Variants in EPS8 observed in about 807,000 individuals in gnomAD.
EPS8 encodes epidermal growth factor receptor kinase substrate 8.
EPS8 carries 42 observed loss-of-function variants against 103.8 expected under a neutral mutation model. The observed-to-expected ratio is 0.40, with a 90% CI of 0.32 to 0.52. The LOEUF is 0.52. Among genes scored for constraint, EPS8 ranks in the 20% least tolerant of loss-of-function variants. EPS8 has a pLI of 0.40. For synonymous variants in EPS8, 344 were observed against 344.6 expected (o/e 1.00, Z 0.02); for missense variants, 969 against 1,005.1 (o/e 0.96, Z 0.49).
chr12:15,703,847 G>GTTTTTTTTTTTTTTT (rs58735135), intron 1 of EPS8, among the ~76,000 whole-genome samples: 1 of 61,234 alleles, frequency 1.6e-5, no homozygotes, highest in African/African-American at 7.3e-5. Context: ...CTATGTATTT[G>GTTTTTTTTTTTTTTT]TTTTTTTTTT....
intron 3 of EPS8, among the ~76,000 whole-genome samples, chr12:15,673,613 C>G (rs547527851): frequency 1.3e-5 from 2 of 152,272 alleles, no homozygotes; most frequent in South Asian, 4.1e-4. Context: ...TCATCCTTGG[C>G]TGCATGTTGG....
At chr12:15,630,448 C>T (rs530832383) in intron 18 of EPS8, among the ~76,000 whole-genome samples, 1 of 152,294 alleles carries the variant, frequency 6.6e-6, no homozygotes, top group East Asian at 1.9e-4. Flanking sequence ...AATATCTACA[C>T]TGCTATTCAC....
At position 15,690,805 on chromosome 12, in the gene EPS8, T is replaced by C. The variant is rs1456883977; in HGVS notation, c.-21-7833A>G. Among the ~76,000 whole-genome samples the C allele has an allele frequency of 6.6e-6, 1 of 152,230 alleles. No individual in the cohort carries two copies. Among genetic ancestry groups the C allele is most frequent in the East Asian group, 1.9e-4 (1 of 5,196 alleles). On this transcript the variant is annotated intron_variant, in intron 1 of 20. Transcript: ENST00000281172. The surrounding 1 kb of genome is among the most constrained non-coding windows in gnomAD (Gnocchi z 4.7). ...ACTGTTCCTTCTTCCTATTATCCTA[T>C]GCCTCTTAACATTTTGCCCACAAAG...
Position 15,767,449 on chromosome 12 carries a change from A to G in EPS8, c.-22+21712T>C, listed in dbSNP as rs1591930098. Reference sequence around the variant, plus strand: ...AGGTTGCACACAGAAAAAAGCCGTTAAATGACACAGTGGCATAAAATGAAA... The same window carrying G: ...AGGTTGCACACAGAAAAAAGCCGTTGAATGACACAGTGGCATAAAATGAAA... On this transcript the variant is annotated intron_variant, in intron 1 of 20. Transcript: ENST00000281172. This position sits in a 1 kb window ranked among gnomAD's most constrained non-coding sequence, Gnocchi z 5.5. Among the ~76,000 whole-genome samples the G allele has an allele frequency of 6.6e-6, 1 of 152,240 alleles. No individual in the cohort carries two copies. Among genetic ancestry groups the G allele is most frequent in the Non-Finnish European group, 1.5e-5 (1 of 68,024 alleles).
rs1028260774 is a variant in EPS8, at chr12:15,745,750, G to C, written c.-22+43411C>G. ...ATTTTCATAGACTATCTAGATAATA[G>C]CTCAAGTTCTCTGCCTTTTAGTAGA... On this transcript the variant is annotated intron_variant, in intron 1 of 20. Transcript: ENST00000281172. The surrounding 1 kb of genome is among the most constrained non-coding windows in gnomAD (Gnocchi z 4.6). 2.6e-5 allele frequency among the ~76,000 whole-genome samples: 4 copies of C among 152,128 alleles called. No individual in the cohort carries two copies. Among genetic ancestry groups the C allele is most frequent in the African/African-American group, 9.7e-5 (4 of 41,432 alleles).
rs535821212 is a variant in EPS8 at position 15,727,714 on chromosome 12, C to T, written c.-21-44742G>A. ...CTCTACTAAAAATACAAAAATTAGCCGGGCGTGGTGGCGCGTGCCTGTAAT... is the reference window on the plus strand; with the variant it reads ...CTCTACTAAAAATACAAAAATTAGCTGGGCGTGGTGGCGCGTGCCTGTAAT... On this transcript the variant is annotated intron_variant, in intron 1 of 20. Transcript: ENST00000281172. The surrounding 1 kb of genome is among the most constrained non-coding windows in gnomAD (Gnocchi z 4.3). Among the ~76,000 whole-genome samples, 4 of 152,116 alleles carry T rather than the reference C, an allele frequency of 2.6e-5. No individual in the cohort carries two copies. The highest frequency in any genetic ancestry group is 5.9e-5 in the Non-Finnish European group (4 of 67,994).
Position 15,773,549 on chromosome 12 carries a change from G to GA in EPS8, c.-22+15611dup, listed in dbSNP as rs113950263. On this transcript the variant is annotated intron_variant, in intron 1 of 20. Transcript: ENST00000281172. ...CAAGAGACTATGGAGAGAGATTTAA[G>GA]AAAAAAAAAAAGCATTGGGGATAAG... 6.9e-3 allele frequency among the ~76,000 whole-genome samples: 958 copies of GA among 139,440 alleles called. 16 individuals carry two copies. Among genetic ancestry groups the GA allele is most frequent in the East Asian group, 0.064 (311 of 4,868 alleles). 91.5% of individuals were successfully genotyped at this position (139,440 alleles called of 152,430 possible).
At chr12:15,634,031 C>T (rs180787193) in intron 17 of EPS8, among the ~76,000 whole-genome samples, 1 of 152,328 alleles carries the variant, frequency 6.6e-6, no homozygotes, top group Admixed American at 6.5e-5. Flanking sequence ...CAACGTATCT[C>T]AGTTTACGTA....
At chr12:15,670,267 A>G (rs1436842404) in intron 4 of EPS8, among the ~76,000 whole-genome samples, 1 of 152,162 alleles carries the variant, frequency 6.6e-6, no homozygotes, top group African/African-American at 2.4e-5. Flanking sequence ...ATTCTAGTCT[A>G]TAGGAACTGT....
rs1946720037 is a variant in EPS8, at chr12:15,731,854, T to C, written c.-21-48882A>G. Among the ~76,000 whole-genome samples, 1 of 152,256 alleles carries C rather than the reference T, an allele frequency of 6.6e-6. No individual in the cohort carries two copies. Among genetic ancestry groups the C allele is most frequent in the African/African-American group, 2.4e-5 (1 of 41,548 alleles). ...TGAAAAACAGAAGATAAAGTGTGTG[T>C]GTGCATGTGTGTGTGTAGGCAAAAG... On this transcript the variant is annotated intron_variant, in intron 1 of 20. Coordinates refer to ENST00000281172, the MANE Select transcript of EPS8 (RefSeq NM_004447.6). The surrounding 1 kb of genome is among the most constrained non-coding windows in gnomAD (Gnocchi z 5.1).
chr12:15,681,234 G>T lies in EPS8; in HGVS notation c.128C>A (p.Ala43Asp). Residue 43 changes from alanine to aspartate, a missense_variant, in exon 3 of 21, where the codon GCC becomes GAC. Coordinates refer to ENST00000281172, the MANE Select transcript of EPS8 (RefSeq NM_004447.6). Reference protein sequence around the residue: ...REHGSKTSAKALYEQRKNYAR... With the variant: ...REHGSKTSAKDLYEQRKNYAR... ...CAAATAAACAAACCTACCATAAAGG[G>T]CCTTTGCACTTGTTTTTGAACCATG... 6.4e-7 allele frequency: 1 copy of T among 1,557,896 alleles called. No individual in the cohort carries two copies. Among genetic ancestry groups the T allele is most frequent in the Non-Finnish European group, 8.7e-7 (1 of 1,143,854 alleles).
rs551416840 is a variant in EPS8, at chr12:15,728,032, A to C, written c.-21-45060T>G. On this transcript the variant is annotated intron_variant, in intron 1 of 20. Coordinates refer to ENST00000281172, the MANE Select transcript of EPS8 (RefSeq NM_004447.6). The surrounding 1 kb of genome is among the most constrained non-coding windows in gnomAD (Gnocchi z 4.5). ...GATTTAAAGCCCTGTGAAATGAGTAAGCCCCTGCTACTTAGCACTGAAAGG... is the reference window on the plus strand; with the variant it reads ...GATTTAAAGCCCTGTGAAATGAGTACGCCCCTGCTACTTAGCACTGAAAGG... 6.6e-6 allele frequency: 1 copy of C among 152,346 alleles called. No individual in the cohort carries two copies. The highest frequency in any genetic ancestry group is 2.4e-5 in the African/African-American group (1 of 41,576). The allele number at this position is 152,346 out of a possible 1,614,324, so 9.4% of individuals were successfully genotyped here.
At chr12:15,740,297 A>G (rs1179920955) in intron 1 of EPS8, among the ~76,000 whole-genome samples, 1 of 152,194 alleles carries the variant, frequency 6.6e-6, no homozygotes, top group Non-Finnish European at 1.5e-5. Context: ...CTGTAATCCC[A>G]GCACTTTGGG....
intron 17 of EPS8, among the ~76,000 whole-genome samples, chr12:15,638,483 A>C (rs1251975413): frequency 6.6e-6 from 1 of 152,116 alleles, no homozygotes; most frequent in African/African-American, 2.4e-5. Flanking sequence ...AGGGCCCTCA[A>C]CCTGAACAGC....
intron 10 of EPS8, among the ~76,000 whole-genome samples, chr12:15,660,181 T>C (rs1000897850): frequency 6.6e-6 from 1 of 152,108 alleles, no homozygotes; most frequent in Non-Finnish European, 1.5e-5. Flanking sequence ...AAATCTCAAG[T>C]GCTACCCCAA....
intron 1 of EPS8, among the ~76,000 whole-genome samples, chr12:15,746,137 G>A (rs982022449): frequency 1.3e-5 from 2 of 152,122 alleles, no homozygotes; most frequent in African/African-American, 4.8e-5. Flanking sequence ...GCATCTAATA[G>A]AGAACTAATT....
chr12:15,780,797 CA>C lies in EPS8; in HGVS notation c.-22+8363del, dbSNP rs1947253840. ...TGGTGTCTGGCACAGAACAGATACT[CA>C]ACAAACACTCGATAAAAGATGAATG... On this transcript the variant is annotated intron_variant, in intron 1 of 20. Coordinates refer to ENST00000281172, the MANE Select transcript of EPS8 (RefSeq NM_004447.6). This position sits in a 1 kb window ranked among gnomAD's most constrained non-coding sequence, Gnocchi z 4.1. 1 of 152,126 alleles carries C rather than the reference CA, an allele frequency of 6.6e-6. No homozygotes were observed. Among genetic ancestry groups the C allele is most frequent in the Non-Finnish European group, 1.5e-5 (1 of 68,034 alleles). The allele number at this position is 152,126 out of a possible 1,614,324, so 9.4% of individuals were successfully genotyped here.
At position 15,684,730 on chromosome 12, in the gene EPS8, T is replaced by TA. The variant is rs1326915686; in HGVS notation, c.-21-1759dup. Among the ~76,000 whole-genome samples, 1 of 152,112 alleles carries TA rather than the reference T, an allele frequency of 6.6e-6. No individual in the cohort carries two copies. Among genetic ancestry groups the TA allele is most frequent in the South Asian group, 2.1e-4 (1 of 4,826 alleles). On this transcript the variant is annotated intron_variant, in intron 1 of 20. Transcript: ENST00000281172. The surrounding 1 kb of genome is among the most constrained non-coding windows in gnomAD (Gnocchi z 4.9). Reference sequence around the variant, plus strand: ...AAGGGCTGGGACTTGACCTAGTTCTTAAAAAAATGGGTAAGAATGGCCCTC... The same window carrying TA: ...AAGGGCTGGGACTTGACCTAGTTCTTAAAAAAAATGGGTAAGAATGGCCCTC...
chr12:15,634,776 G>A, intron 17 of EPS8: 1 of 398,714 alleles, frequency 2.5e-6, no homozygotes, highest in African/African-American at 2.1e-5. Flanking sequence ...TTAGGAAAAT[G>A]GAGCAAATCA....
Sources: allele counts gnomAD v4.1 joint callset (sites outside exome capture counted in the v4.1 genomes callset), GRCh38; gene constraint gnomAD v4.1.1; non-coding constraint Gnocchi (gnomAD v3.1); transcripts MANE v1.5; gene names NCBI Gene and HGNC (gene_info 2026-07-23, HGNC 2026-07-21).